Variants in HPSE2 observed in about 807,000 individuals in gnomAD.
The protein encoded by HPSE2 is inactive heparanase-2.
Under a neutral mutation model 60.5 loss-of-function variants are expected in HPSE2, and 38 were observed. The observed-to-expected ratio is 0.63, with a 90% CI of 0.48 to 0.82. The LOEUF is 0.82. Among genes scored for constraint, HPSE2 ranks in the 40% least tolerant of loss-of-function variants. The probability of loss-of-function intolerance (pLI) is 0.00; values close to 1 mark genes in which losing one functional copy is unlikely to be tolerated. For missense variants in HPSE2, 713 were observed against 740.4 expected (o/e 0.96, Z 0.43); for synonymous variants, 295 against 293.2 (o/e 1.01, Z -0.06).
chr10:99,167,895 C>T (rs1847147265), intron 2 of HPSE2, among the ~76,000 whole-genome samples: 2 of 152,258 alleles, frequency 1.3e-5, no homozygotes, highest in East Asian at 3.9e-4. Flanking sequence ...CTCTCTCTCT[C>T]TCTCTCATTT....
chr10:98,956,380 G>A (rs998066225), intron 3 of HPSE2, among the ~76,000 whole-genome samples: 1 of 152,130 alleles, frequency 6.6e-6, no homozygotes, highest in Non-Finnish European at 1.5e-5. Flanking sequence ...AATTGGTTTG[G>A]AATAAGTTTG....
At chr10:98,856,052 C>T (rs1021465663) in intron 3 of HPSE2, among the ~76,000 whole-genome samples, 13 of 152,164 alleles carry the variant, frequency 8.5e-5, no homozygotes, top group Non-Finnish European at 1.3e-4. Context: ...AAAATGCAAA[C>T]TCCTGAGGTT....
chr10:99,206,079 T>C (rs1848735634), intron 2 of HPSE2, among the ~76,000 whole-genome samples: 1 of 152,222 alleles, frequency 6.6e-6, no homozygotes, highest in Non-Finnish European at 1.5e-5. Flanking sequence ...TGATACATAC[T>C]GTAGGTTGAG....
At chr10:99,281,555 G>A in the HPSE2 span, among the ~76,000 whole-genome samples, 15 of 152,020 alleles carry the variant, frequency 9.9e-5, no homozygotes, top group East Asian at 1.9e-4. Flanking sequence ...TACTGCTCTC[G>A]TAATAGTATT....
chr10:98,962,154 T>C (rs2135237614), intron 3 of HPSE2, among the ~76,000 whole-genome samples: 1 of 46,630 alleles, frequency 2.1e-5, no homozygotes, highest in South Asian at 7.5e-4. Flanking sequence ...AGCCTTGTAG[T>C]ATAGTTTGAA....
intron 2 of HPSE2, among the ~76,000 whole-genome samples, chr10:99,197,536 T>G (rs967243349): frequency 1.3e-5 from 2 of 152,020 alleles, no homozygotes; most frequent in African/African-American, 4.8e-5. Context: ...GAAAACAAAA[T>G]AAATAATACT....
At chr10:98,507,391 C>T (rs1591286683) in intron 9 of HPSE2, among the ~76,000 whole-genome samples, 1 of 152,082 alleles carries the variant, frequency 6.6e-6, no homozygotes. Context: ...TTTAGGAAGA[C>T]GACGTTATTG....
chr10:98,532,425 C>T (rs1943158505), intron 9 of HPSE2, among the ~76,000 whole-genome samples: 1 of 152,260 alleles, frequency 6.6e-6, no homozygotes, highest in East Asian at 1.9e-4. Context: ...ATCTTGGGCC[C>T]ATACCTTAAG....
At chr10:98,765,733 C>T (rs1950104712) in intron 3 of HPSE2, among the ~76,000 whole-genome samples, 2 of 152,156 alleles carry the variant, frequency 1.3e-5, no homozygotes, top group East Asian at 3.9e-4. Context: ...ATCCCAGTTA[C>T]TCAGGAGGCT....
At chr10:98,685,737 T>C (rs1415830560) in intron 6 of HPSE2, among the ~76,000 whole-genome samples, 1 of 152,188 alleles carries the variant, frequency 6.6e-6, no homozygotes, top group Non-Finnish European at 1.5e-5. Context: ...TTTGGTGGCA[T>C]ATGTTTTCAT....
intron 3 of HPSE2, among the ~76,000 whole-genome samples, chr10:98,839,964 T>C (rs1032601888): frequency 2.0e-5 from 3 of 152,252 alleles, no homozygotes; most frequent in Non-Finnish European, 4.4e-5. Flanking sequence ...AAAACATTTA[T>C]AAATATACAT....
At chr10:98,610,605 A>C (rs891301579) in intron 9 of HPSE2, among the ~76,000 whole-genome samples, 1 of 152,242 alleles carries the variant, frequency 6.6e-6, no homozygotes, top group Non-Finnish European at 1.5e-5. Flanking sequence ...GCAAAAAAGC[A>C]TGCTGGCAGT....
At chr10:98,616,052 T>C (rs1945898699) in intron 8 of HPSE2, among the ~76,000 whole-genome samples, 1 of 152,146 alleles carries the variant, frequency 6.6e-6, no homozygotes, top group Non-Finnish European at 1.5e-5. Flanking sequence ...CTTATACATG[T>C]TTTAACTTCT....
chr10:99,133,773 T>C (rs1845538457), intron 3 of HPSE2, among the ~76,000 whole-genome samples: 1 of 152,046 alleles, frequency 6.6e-6, no homozygotes, highest in Non-Finnish European at 1.5e-5. Flanking sequence ...GAGAAACCAG[T>C]GCAAAAAGGC....
chr10:98,811,707 C>CA (rs35404074), intron 3 of HPSE2, among the ~76,000 whole-genome samples: 1 of 151,916 alleles, frequency 6.6e-6, no homozygotes, highest in African/African-American at 2.4e-5. Context: ...TGATTTTGAC[C>CA]AAAAAAATCC....
chr10:98,703,424 T>C (rs1216374722), intron 5 of HPSE2, among the ~76,000 whole-genome samples: 1 of 152,140 alleles, frequency 6.6e-6, no homozygotes. Context: ...CCTCCCTAGC[T>C]CATTTTATGA....
chr10:98,983,861 GGAGGGACC>G (rs1956268770), intron 3 of HPSE2, among the ~76,000 whole-genome samples: 1 of 152,178 alleles, frequency 6.6e-6, no homozygotes, highest in Admixed American at 6.5e-5. Flanking sequence ...CGCCTGGCTC[GGAGGGACC>G]TACGCCCATG....
intron 3 of HPSE2, among the ~76,000 whole-genome samples, chr10:99,018,287 G>C (rs905525782): frequency 1.3e-5 from 2 of 152,170 alleles, no homozygotes; most frequent in Non-Finnish European, 2.9e-5. Context: ...GACTTACTAG[G>C]CCTAAAGGCC....
intron 3 of HPSE2, among the ~76,000 whole-genome samples, chr10:98,917,813 A>G (rs1954164024): frequency 6.6e-6 from 1 of 152,248 alleles, no homozygotes; most frequent in Non-Finnish European, 1.5e-5. Flanking sequence ...GTAGGCATCC[A>G]GCAAGGAAGT....
Sources: allele counts gnomAD v4.1 joint callset (sites outside exome capture counted in the v4.1 genomes callset), GRCh38; gene constraint gnomAD v4.1.1; transcripts MANE v1.5; gene names NCBI Gene and HGNC (gene_info 2026-07-23, HGNC 2026-07-21).